ERG28: variants seen among roughly 807,000 people sequenced by gnomAD.
ERG28 encodes the protein ergosterol biosynthetic protein 28 homolog.
In ERG28, 9 loss-of-function variants were observed where a neutral mutation model predicts 15.7. The ratio of observed to expected loss-of-function variants is 0.57; its 90% CI spans 0.35 to 1.00. The LOEUF is 1.00. ERG28 is among the 50% of genes least tolerant of loss of function. ERG28 has a pLI of 0.02. For synonymous variants in ERG28, 61 were observed against 68.4 expected (o/e 0.89, Z 0.53); for missense variants, 117 against 173.3 (o/e 0.68, Z 1.82).
rs1890524570 is a variant in ERG28, at chr14:75,651,431, A to G, written c.*124T>C. Reference sequence around the variant, plus strand: ...TCTTTAAATTTTAAAAATTAAAAAAAGAGGCTAAAAGTGAATAAAAGGGCA... The same window carrying G: ...TCTTTAAATTTTAAAAATTAAAAAAGGAGGCTAAAAGTGAATAAAAGGGCA... On this transcript the variant is annotated 3_prime_UTR_variant, in exon 5 of 5. Transcript: ENST00000256319. 2 of 920,464 alleles carry G rather than the reference A, an allele frequency of 2.2e-6. No homozygotes were observed. The highest frequency in any genetic ancestry group is 1.8e-5 in the South Asian group (1 of 54,786). The allele number at this position is 920,464 out of a possible 1,614,324, so 57.0% of individuals were successfully genotyped here. A position where few individuals can be genotyped will look rare whatever the true frequency, so the allele number is the denominator to read the frequency against.
Position 75,651,387 on chromosome 14 carries a change from A to G in ERG28, c.*168T>C. Reference sequence around the variant, plus strand: ...TCTTTAAATTGTACGTACATGTTATATACTTTTCAGTATGCATATCTTTAA... The same window carrying G: ...TCTTTAAATTGTACGTACATGTTATGTACTTTTCAGTATGCATATCTTTAA... On this transcript the variant is annotated 3_prime_UTR_variant, in exon 5 of 5. Transcript: ENST00000256319. 3.3e-6 allele frequency: 2 copies of G among 598,088 alleles called. No homozygotes were observed. Among genetic ancestry groups the G allele is most frequent in the South Asian group, 4.8e-5 (2 of 41,674 alleles). 37.0% of individuals were successfully genotyped at this position (598,088 alleles called of 1,614,324 possible).
In ERG28 at chr14:75,652,724, T is replaced by C. The variant is rs112977453; in HGVS notation, c.225-835A>G. Among the ~76,000 whole-genome samples the C allele has an allele frequency of 6.3e-3, 953 of 152,176 alleles. 8 individuals are homozygous for C. The highest frequency in any genetic ancestry group is 9.9e-3 in the Non-Finnish European group (675 of 67,994). On this transcript the variant is annotated intron_variant, in intron 3 of 4. Coordinates refer to ENST00000256319, the MANE Select transcript of ERG28 (RefSeq NM_007176.4). Reference sequence around the variant, plus strand: ...GAGAAGAGTTAAATCATCCTGTGTATACTTATCCTGCTCTAAGTCTGTTCT... The same window carrying C: ...GAGAAGAGTTAAATCATCCTGTGTACACTTATCCTGCTCTAAGTCTGTTCT...
chr14:75,656,726 C>T (rs988003506), intron 2 of ERG28, among the ~76,000 whole-genome samples: 2 of 152,226 alleles, frequency 1.3e-5, no homozygotes, highest in African/African-American at 2.4e-5. Flanking sequence ...AATGGACACT[C>T]TCAGTAGAGA....
chr14:75,660,013 C>T (rs956404015), intron 1 of ERG28, among the ~76,000 whole-genome samples: 9 of 152,098 alleles, frequency 5.9e-5, no homozygotes, highest in Non-Finnish European at 1.3e-4. Context: ...CTGGACATCA[C>T]AGGCCATTAT....
intron 1 of ERG28, among the ~76,000 whole-genome samples, chr14:75,659,584 G>C (rs1241302616): frequency 1.4e-5 from 2 of 147,350 alleles, no homozygotes; most frequent in Non-Finnish European, 3.0e-5. Flanking sequence ...TTTTTTTAAG[G>C]CTTAGTTCAA....
intron 2 of ERG28, 71 bp downstream of exon 2, chr14:75,657,299 G>A (rs1890611518): frequency 1.3e-6 from 2 of 1,549,642 alleles, no homozygotes; most frequent in Non-Finnish European, 1.8e-6. Flanking sequence ...GTACAGCCTG[G>A]TTTGGGAACC....
At chr14:75,657,614 C>T in intron 1 of ERG28, 81 bp from the exon 2 acceptor site, 1 of 1,361,356 alleles carries the variant, frequency 7.3e-7, no homozygotes, top group Non-Finnish European at 1.0e-6. Flanking sequence ...AAGAATGAAG[C>T]AGGCCAAAAA....
chr14:75,655,082 G>A (rs2140064305), intron 2 of ERG28, 106 bp from the exon 3 acceptor site: 1 of 1,105,192 alleles, frequency 9.0e-7, no homozygotes, highest in Non-Finnish European at 1.4e-6. Context: ...AGCTGGACCT[G>A]ACCTCTCTGT....
In ERG28 at chr14:75,654,980, T is replaced by C. The variant is rs1890578861; in HGVS notation, c.134-4A>G. ...GTCCGAGCTTGGAGGCCATTCACTG[T>C]GTAGCAGAAAAAAGCAAGAGTGTTC... On this transcript the variant is annotated splice_region_variant and splice_polypyrimidine_tract_variant and intron_variant, in intron 2 of 4. Coordinates refer to ENST00000256319, the MANE Select transcript of ERG28 (RefSeq NM_007176.4). The C allele has an allele frequency of 6.2e-7, 1 of 1,613,136 alleles. No homozygotes were observed. The highest frequency in any genetic ancestry group is 1.3e-5 in the African/African-American group (1 of 74,882).
chr14:75,650,410 C>T lies in ERG28; in HGVS notation c.*1145G>A, dbSNP rs1890507989. 6.6e-6 allele frequency: 1 copy of T among 152,252 alleles called. No homozygotes were observed. Among genetic ancestry groups the T allele is most frequent in the African/African-American group, 2.4e-5 (1 of 41,456 alleles). 9.4% of individuals were successfully genotyped at this position (152,252 alleles called of 1,614,324 possible). A position where few individuals can be genotyped will look rare whatever the true frequency, so the allele number is the denominator to read the frequency against. ...CAAGTGTCCGGCATGGAGAAGTACT[C>T]AACAAATATTTGCTGAAATAGCAAT... On this transcript the variant is annotated 3_prime_UTR_variant, in exon 5 of 5. Transcript: ENST00000256319.
At chr14:75,655,021 A>G (rs759489109) in intron 2 of ERG28, 45 bp from the exon 3 acceptor site, 20 of 1,558,628 alleles carry the variant, frequency 1.3e-5, no homozygotes, top group Non-Finnish European at 1.8e-5. Context: ...GGGAGACTTG[A>G]GGTTCCTTCC....
Position 75,650,772 on chromosome 14 carries a change from GTGTCATGAGC to G in ERG28, c.*773_*782del, listed in dbSNP as rs1359540840. 2 of 152,594 alleles carry G rather than the reference GTGTCATGAGC, an allele frequency of 1.3e-5. No homozygotes were observed. Among genetic ancestry groups the G allele is most frequent in the East Asian group, 3.9e-4 (2 of 5,188 alleles). 9.5% of individuals were successfully genotyped at this position (152,594 alleles called of 1,614,324 possible). A position where few individuals can be genotyped will look rare whatever the true frequency, so the allele number is the denominator to read the frequency against. Reference sequence around the variant, plus strand: ...GAGCCGGAGGCAGCCAGGCTGACCTGTGTCATGAGCTGTCCTACTCACTATGGTGTATTCA... The same window carrying G: ...GAGCCGGAGGCAGCCAGGCTGACCTGTGTCCTACTCACTATGGTGTATTCA... On this transcript the variant is annotated 3_prime_UTR_variant, in exon 5 of 5. Coordinates refer to ENST00000256319, the MANE Select transcript of ERG28 (RefSeq NM_007176.4).
In ERG28 at chr14:75,651,608, C is replaced by T. The variant is rs757095170; in HGVS notation, c.370G>A (p.Gly124Arg). 4.3e-6 allele frequency: 7 copies of T among 1,613,498 alleles called. No individual in the cohort carries two copies. The highest frequency in any genetic ancestry group is 2.7e-5 in the African/African-American group (2 of 74,894). The change falls in exon 5 of 5, where the codon GGG becomes AGG. Residue 124 changes from glycine to arginine, a missense_variant. By Grantham distance (125) the Gly-to-Arg change is moderately radical. Coordinates refer to ENST00000256319, the MANE Select transcript of ERG28 (RefSeq NM_007176.4). ...ASFSILGMLV[G>R]LRYLEVEPVS... ...GGTTCTACTTCTAGATACCGGAGCC[C>T]GACCAGCATACCCAGGATGGAGAAA... is the stretch of plus-strand genomic sequence containing the variant.
chr14:75,651,572 G>A lies in ERG28; in HGVS notation c.406C>T (p.Gln136Ter). The A allele has an allele frequency of 6.2e-7, 1 of 1,612,580 alleles. No individual in the cohort carries two copies. The highest frequency in any genetic ancestry group is 8.5e-7 in the Non-Finnish European group (1 of 1,178,700). ...RYLEVEPVSR[Q>*]KKRN ...TGCTGGCCTCAGTTTCTCTTCTTCT[G>A]TCTGGATACTGGTTCTACTTCTAGA... Residue 136 changes from glutamine to a stop codon, truncating the protein, a stop_gained, in exon 5 of 5, where the codon CAG (glutamine) becomes TAG (stop). Coordinates refer to ENST00000256319, the MANE Select transcript of ERG28 (RefSeq NM_007176.4). LOFTEE classifies it high-confidence loss of function.
Position 75,654,876 on chromosome 14 carries a change from C to T in ERG28, c.224+10G>A. 2 of 1,606,484 alleles carry T rather than the reference C, an allele frequency of 1.2e-6. No homozygotes were observed. The highest frequency in any genetic ancestry group is 1.7e-6 in the Non-Finnish European group (2 of 1,172,988). The stretch of plus-strand genomic sequence containing the variant: ...AAAAGGATGCTAAAGCTCTTCCTTC[C>T]CTTACATACGTCTTGTTGTGAATGT... On this transcript the variant is annotated intron_variant, in intron 3 of 4. Coordinates refer to ENST00000256319, the MANE Select transcript of ERG28 (RefSeq NM_007176.4).
At chr14:75,654,341 T>C (rs149348556) in intron 3 of ERG28, among the ~76,000 whole-genome samples, 23 of 152,338 alleles carry the variant, frequency 1.5e-4, no homozygotes, top group African/African-American at 5.5e-4. Context: ...CAGCACTGGT[T>C]ATGGCTTCTG....
chr14:75,655,835 G>T (rs915896729), intron 2 of ERG28, among the ~76,000 whole-genome samples: 2 of 152,272 alleles, frequency 1.3e-5, no homozygotes, highest in Middle Eastern at 3.4e-3. Flanking sequence ...CCAGTGGCTC[G>T]GGGATGCCAA....
chr14:75,658,139 A>G (rs1890621195), intron 1 of ERG28, among the ~76,000 whole-genome samples: 1 of 152,164 alleles, frequency 6.6e-6, no homozygotes, highest in African/African-American at 2.4e-5. Flanking sequence ...ACAAGATGGG[A>G]GGTCTGACAT....
In ERG28 at chr14:75,651,459, T is replaced by C. The variant is rs1334010111; in HGVS notation, c.*96A>G. On this transcript the variant is annotated 3_prime_UTR_variant, in exon 5 of 5. Transcript: ENST00000256319. ...GGCTAAAAGTGAATAAAAGGGCAGATGATGGAATAGAAAAGAAATTAAAGA... is the reference window on the plus strand; with the variant it reads ...GGCTAAAAGTGAATAAAAGGGCAGACGATGGAATAGAAAAGAAATTAAAGA... 8.1e-7 allele frequency: 1 copy of C among 1,227,340 alleles called. No homozygotes were observed. The highest frequency in any genetic ancestry group is 1.2e-6 in the Non-Finnish European group (1 of 860,038). The allele number at this position is 1,227,340 out of a possible 1,614,324, so 76.0% of individuals were successfully genotyped here.
Sources: gnomAD v4.1 joint callset for allele counts (sites outside exome capture counted in the v4.1 genomes callset) on GRCh38, gnomAD v4.1.1 for gene constraint, MANE v1.5 for transcripts, NCBI Gene and HGNC (gene_info 2026-07-23, HGNC 2026-07-21) for gene names.